The following SYNE2 variants were observed in gnomAD, a reference collection of about 807,000 sequenced individuals.
SYNE2 encodes the protein nesprin-2.
A neutral mutation model predicts 856.3 loss-of-function variants in SYNE2; 431 were observed. That is an observed-to-expected ratio of 0.50 (90% CI 0.47 to 0.55). The LOEUF (loss-of-function observed/expected upper bound fraction) is 0.55. Among genes scored for constraint, SYNE2 ranks in the 20% least tolerant of loss-of-function variants. SYNE2 has a pLI of 0.00. For synonymous variants in SYNE2, 2,923 were observed against 2,872.3 expected (o/e 1.02, Z -0.56); for missense variants, 8,129 against 8,023.2 (o/e 1.01, Z -0.50).
Position 64,049,758 on chromosome 14 carries a change from A to G in SYNE2, c.7525A>G (p.Ile2509Val). ...TTTGGACAATTTGCTTCAGGCACTT[A>G]TTACTTTGAAGAAAAACAAAGAAAG... is the stretch of plus-strand genomic sequence containing the variant. ...QHLDNLLQALITLKKNKESQY... is the reference protein window; with the variant it reads ...QHLDNLLQALVTLKKNKESQY... The change falls in exon 47 of 116, where the codon ATT becomes GTT. Residue 2509 changes from isoleucine (I) to valine (V), a missense_variant. This residue lies in a region of SYNE2 where 5,410 missense variants were observed against 5,284.8 expected (regional missense o/e 1.02). Transcript: ENST00000555002. The G allele has an allele frequency of 1.9e-6, 3 of 1,614,174 alleles. No individual in the cohort carries two copies. Among genetic ancestry groups the G allele is most frequent in the Non-Finnish European group, 2.5e-6 (3 of 1,180,022 alleles).
At chr14:64,179,721 T>C (rs767449626) in intron 96 of SYNE2, among the ~76,000 whole-genome samples, 1 of 152,198 alleles carries the variant, frequency 6.6e-6, no homozygotes, top group Non-Finnish European at 1.5e-5. Flanking sequence ...TTTTTTTCCA[T>C]TGGGCTATTT....
rs79530941 is a variant in SYNE2, at chr14:64,178,399, A to G, written c.17556+916A>G. Among the ~76,000 whole-genome samples the G allele has an allele frequency of 6.7e-3, 1,024 of 152,322 alleles. 12 individuals carry two copies. The highest frequency in any genetic ancestry group is 0.013 in the South Asian group (65 of 4,822). ...GTCAGTAACCCTGGATTTGGTGTTC[A>G]TCATTCTTACACATGTCCTAATAAT... On this transcript the variant is annotated intron_variant, in intron 96 of 115. Transcript: ENST00000555002.
At chr14:63,790,094 G>A (rs1887678136) in intron 1 of SYNE2, among the ~76,000 whole-genome samples, 3 of 152,282 alleles carry the variant, frequency 2.0e-5, no homozygotes, top group East Asian at 3.9e-4. Flanking sequence ...CAATTTGGAA[G>A]CCCAAGGTGG....
intron 99 of SYNE2, among the ~76,000 whole-genome samples, chr14:64,200,589 A>G (rs143266937): frequency 1.3e-5 from 2 of 152,236 alleles, no homozygotes; most frequent in Non-Finnish European, 2.9e-5. Flanking sequence ...TTACAGCTGT[A>G]TCCAGGCCTG....
At chr14:63,800,567 G>A (rs1021058328) in intron 1 of SYNE2, among the ~76,000 whole-genome samples, 2 of 152,166 alleles carry the variant, frequency 1.3e-5, no homozygotes, top group African/African-American at 2.4e-5. Context: ...TGGGATTATA[G>A]GCATGAGCCA....
At chr14:64,211,866 G>T (rs573058809) in intron 103 of SYNE2, 95 bp from the exon 104 acceptor site, 76 of 1,573,620 alleles carry the variant, frequency 4.8e-5, no homozygotes, top group Middle Eastern at 1.7e-4. Context: ...GAGTATTCTG[G>T]GTACCCTTTT....
chr14:63,810,858 A>G (rs1403954475), intron 1 of SYNE2, among the ~76,000 whole-genome samples: 4 of 152,210 alleles, frequency 2.6e-5, no homozygotes, highest in Non-Finnish European at 4.4e-5. Flanking sequence ...TATTTAAGAC[A>G]GAGTCTTGCT....
At chr14:63,946,016 T>C (rs1363379310) in intron 6 of SYNE2, among the ~76,000 whole-genome samples, 1 of 152,208 alleles carries the variant, frequency 6.6e-6, no homozygotes, top group Non-Finnish European at 1.5e-5. Context: ...AAAGTGGTTG[T>C]TCCAATTTAT....
chr14:64,178,917 A>T (rs530546656), intron 96 of SYNE2, among the ~76,000 whole-genome samples: 114 of 152,016 alleles, frequency 7.5e-4, no homozygotes, highest in African/African-American at 2.4e-3. Flanking sequence ...ACAGCAAAAA[A>T]TTTTTTTTAA....
intron 64 of SYNE2, among the ~76,000 whole-genome samples, chr14:64,106,825 G>A (rs1567318739): frequency 1.3e-5 from 2 of 151,992 alleles, no homozygotes; most frequent in Non-Finnish European, 2.9e-5. Flanking sequence ...GCATAACTTT[G>A]AGAATACAAT....
At chr14:63,787,664 G>A (rs995047724) in intron 1 of SYNE2, among the ~76,000 whole-genome samples, 3 of 152,188 alleles carry the variant, frequency 2.0e-5, no homozygotes, top group Non-Finnish European at 2.9e-5. Flanking sequence ...TCTGCAACTG[G>A]TAGTCCCATG....
At chr14:64,072,643 G>A (rs980758824) in intron 52 of SYNE2, among the ~76,000 whole-genome samples, 6 of 152,052 alleles carry the variant, frequency 3.9e-5, no homozygotes, top group African/African-American at 7.2e-5. Context: ...GGGATTACAC[G>A]CATGTGCCAC....
At chr14:64,032,781 A>T (rs778656532) in intron 45 of SYNE2, among the ~76,000 whole-genome samples, 30 of 152,244 alleles carry the variant, frequency 2.0e-4, no homozygotes, top group African/African-American at 3.6e-4. Context: ...CTAATTTTTT[A>T]AAAAAGGTGA....
At position 63,996,933 on chromosome 14, in the gene SYNE2, A is replaced by G. The variant is rs2096718381; in HGVS notation, c.2941-14A>G. The G allele has an allele frequency of 6.2e-7, 1 of 1,612,994 alleles. No homozygotes were observed. Among genetic ancestry groups the G allele is most frequent in the Non-Finnish European group, 8.5e-7 (1 of 1,179,318 alleles). ...TCACCAGAAGCACATTTCCTGCTTT[A>G]TTTCTTCAATTAGGCCTGCTTTTCT... On this transcript the variant is annotated splice_polypyrimidine_tract_variant and intron_variant, in intron 23 of 115. Coordinates refer to ENST00000555002, the MANE Select transcript of SYNE2 (RefSeq NM_182914.3).
rs188194047 is a variant in SYNE2, at chr14:64,088,448, G to A, written c.11670+592G>A. Reference sequence around the variant, plus strand: ...ACTACTGATTTTTAAATGCTGGATAGGAAAGAGGGAATTAAAAGAGATAGT... The same window carrying A: ...ACTACTGATTTTTAAATGCTGGATAAGAAAGAGGGAATTAAAAGAGATAGT... On this transcript the variant is annotated intron_variant, in intron 58 of 115. Coordinates refer to ENST00000555002, the MANE Select transcript of SYNE2 (RefSeq NM_182914.3). Among the ~76,000 whole-genome samples, 241 of 152,238 alleles carry A rather than the reference G, an allele frequency of 1.6e-3. 1 individual carries two copies. The highest frequency in any genetic ancestry group is 5.4e-3 in the African/African-American group (224 of 41,540).
intron 94 of SYNE2, among the ~76,000 whole-genome samples, chr14:64,171,027 G>A (rs2098408078): frequency 6.6e-6 from 1 of 152,180 alleles, no homozygotes. Flanking sequence ...TCTCCATGAT[G>A]TGCTTATTGG....
chr14:64,029,494 T>C (rs2097013811), intron 43 of SYNE2, among the ~76,000 whole-genome samples: 1 of 152,230 alleles, frequency 6.6e-6, no homozygotes, highest in East Asian at 1.9e-4. Flanking sequence ...TTTGATCTCA[T>C]ATGGTCTCAT....
intron 21 of SYNE2, among the ~76,000 whole-genome samples, chr14:63,992,577 A>G (rs1255909): frequency 0.48 from 73,505 of 151,994 alleles, 18,116 homozygotes; most frequent in African/African-American, 0.58. Context: ...CACTGTGCCC[A>G]GCTTCTTGGC....
At chr14:63,912,943 C>CT (rs1045866083) in intron 2 of SYNE2, among the ~76,000 whole-genome samples, 1 of 151,774 alleles carries the variant, frequency 6.6e-6, no homozygotes, top group East Asian at 1.9e-4. Context: ...TACCCTCCCT[C>CT]TTTTTTTTGA....
Sources: allele counts gnomAD v4.1 joint callset (sites outside exome capture counted in the v4.1 genomes callset), GRCh38; gene constraint gnomAD v4.1.1; regional missense constraint gnomAD v4.1.1; transcripts MANE v1.5; gene names NCBI Gene and HGNC (gene_info 2026-07-23, HGNC 2026-07-21).